KCNQ5: variants seen among roughly 807,000 people sequenced by gnomAD.
KCNQ5 encodes potassium voltage-gated channel subfamily Q member 5.
A neutral mutation model predicts 98.2 loss-of-function variants in KCNQ5; 30 were observed. That is an observed-to-expected ratio of 0.31 (90% CI 0.23 to 0.41). The LOEUF (loss-of-function observed/expected upper bound fraction) is 0.41, where lower values mean the gene tolerates loss of function less well. Ranked by LOEUF, KCNQ5 falls within the 10% of genes least tolerant of loss-of-function variation. The pLI is 1.00. For synonymous variants in KCNQ5, 458 were observed against 449.4 expected, an observed-to-expected ratio of 1.02 and a Z score of -0.24; for missense variants, 835 against 1,182.5, an observed-to-expected ratio of 0.71 and a Z score of 4.31.
intron 1 of KCNQ5, among the ~76,000 whole-genome samples, chr6:72,638,709 C>T (rs2098925564): frequency 6.6e-6 from 1 of 151,944 alleles, no homozygotes; most frequent in Admixed American, 6.6e-5. Context: ...TTCTGGAGCA[C>T]ATGATAATAT....
Position 72,956,528 on chromosome 6 carries a change from T to C in KCNQ5, c.399-47380T>C, listed in dbSNP as rs572166408. Among the ~76,000 whole-genome samples the C allele has an allele frequency of 8.5e-3, 1,276 of 149,884 alleles. 13 individuals carry two copies. The highest frequency in any genetic ancestry group is 0.014 in the Non-Finnish European group (970 of 67,360). ...TTTTGAAGCTTCTTTTTAACCCTTT[T>C]TTTCTTTCTTTCTTTCTTTTATTTT... On this transcript the variant is annotated intron_variant, in intron 1 of 13. Transcript: ENST00000370398.
chr6:72,717,998 T>C (rs999591235), intron 1 of KCNQ5, among the ~76,000 whole-genome samples: 1 of 152,188 alleles, frequency 6.6e-6, no homozygotes, highest in African/African-American at 2.4e-5. Flanking sequence ...AAACATCATA[T>C]GCCAGTCATT....
intron 1 of KCNQ5, among the ~76,000 whole-genome samples, chr6:72,963,574 G>A (rs1767474391): frequency 6.6e-6 from 1 of 152,128 alleles, no homozygotes; most frequent in Non-Finnish European, 1.5e-5. Context: ...TTAAATGATA[G>A]TATAATAGAA....
At chr6:72,751,927 T>C (rs1171831797) in intron 1 of KCNQ5, among the ~76,000 whole-genome samples, 1 of 152,184 alleles carries the variant, frequency 6.6e-6, no homozygotes, top group Non-Finnish European at 1.5e-5. Flanking sequence ...TCAAGATATT[T>C]ATATAAATTT....
chr6:73,065,674 T>C (rs936810259), intron 3 of KCNQ5, among the ~76,000 whole-genome samples: 8 of 152,366 alleles, frequency 5.3e-5, no homozygotes, highest in Admixed American at 2.0e-4. Context: ...CTTCTCTCAC[T>C]CCGCTCAAGC....
At chr6:72,721,624 C>T (rs1158965893) in intron 1 of KCNQ5, among the ~76,000 whole-genome samples, 1 of 152,126 alleles carries the variant, frequency 6.6e-6, no homozygotes, top group Non-Finnish European at 1.5e-5. Flanking sequence ...ATCACAGATC[C>T]AGTGATGAAG....
chr6:72,718,250 T>C (rs112283958), intron 1 of KCNQ5, among the ~76,000 whole-genome samples: 2,033 of 152,238 alleles, frequency 0.013, 33 homozygotes, highest in African/African-American at 0.042. Context: ...AAAGTTCCTC[T>C]AAGTTGATCC....
intron 1 of KCNQ5, among the ~76,000 whole-genome samples, chr6:72,982,413 C>G (rs2150299234): frequency 6.6e-6 from 1 of 150,428 alleles, no homozygotes; most frequent in Admixed American, 6.6e-5. Context: ...ATGTAATGGC[C>G]TTGTGTTCTT....
At chr6:72,907,218 T>G (rs769899023) in intron 1 of KCNQ5, among the ~76,000 whole-genome samples, 4 of 152,128 alleles carry the variant, frequency 2.6e-5, no homozygotes, top group Non-Finnish European at 4.4e-5. Context: ...ATACTAGGCT[T>G]AGTACTTGGG....
intron 1 of KCNQ5, among the ~76,000 whole-genome samples, chr6:72,966,534 C>G (rs552957094): frequency 1.3e-5 from 2 of 152,062 alleles, no homozygotes; most frequent in Admixed American, 1.3e-4. Context: ...CCACACTGCA[C>G]TTCAGCCTCG....
At chr6:73,114,079 AATTT>A (rs771003658) in intron 7 of KCNQ5, among the ~76,000 whole-genome samples, 45 of 152,280 alleles carry the variant, frequency 3.0e-4, no homozygotes, top group Middle Eastern at 6.8e-3. Flanking sequence ...AAATGCAATT[AATTT>A]ATTACACATA....
At chr6:73,135,015 G>T (rs563072007) in intron 10 of KCNQ5, 1 of 152,312 alleles carries the variant, frequency 6.6e-6, no homozygotes, top group South Asian at 2.1e-4. Flanking sequence ...GAATATAAAT[G>T]GGTACATCCT....
intron 11 of KCNQ5, among the ~76,000 whole-genome samples, chr6:73,178,430 T>TA (rs967486717): frequency 1.2e-4 from 17 of 145,676 alleles, no homozygotes; most frequent in Admixed American, 3.5e-4. Context: ...CTACAAACAT[T>TA]AAAAAAAAAC....
chr6:72,733,655 A>G (rs932291238), intron 1 of KCNQ5, among the ~76,000 whole-genome samples: 12 of 152,216 alleles, frequency 7.9e-5, no homozygotes, highest in Non-Finnish European at 1.8e-4. Flanking sequence ...TTTGGAGAAT[A>G]CGTGAAAGGA....
intron 5 of KCNQ5, among the ~76,000 whole-genome samples, chr6:73,081,910 C>A (rs1202245469): frequency 6.6e-6 from 1 of 152,116 alleles, no homozygotes; most frequent in Non-Finnish European, 1.5e-5. Context: ...TTCCTGAATG[C>A]TAAACACACG....
intron 3 of KCNQ5, among the ~76,000 whole-genome samples, chr6:73,076,241 C>T (rs186645308): frequency 6.6e-6 from 1 of 152,328 alleles, no homozygotes; most frequent in African/African-American, 2.4e-5. Context: ...CTCACTTATA[C>T]AGCAGTTAAT....
At chr6:72,997,782 CAAAAAAA>C (rs70994154) in intron 1 of KCNQ5, among the ~76,000 whole-genome samples, 65 of 62,060 alleles carry the variant, frequency 1.0e-3, no homozygotes, top group Middle Eastern at 0.013. Flanking sequence ...GACTCTGTCT[CAAAAAAA>C]AAAAAAAAAA....
intron 1 of KCNQ5, among the ~76,000 whole-genome samples, chr6:72,636,044 A>C (rs916062529): frequency 2.0e-5 from 3 of 152,146 alleles, no homozygotes; most frequent in Admixed American, 1.3e-4. Context: ...ATTTGGGAAT[A>C]GTCAGATATT....
At chr6:72,684,596 T>C (rs1767861067) in intron 1 of KCNQ5, among the ~76,000 whole-genome samples, 1 of 152,200 alleles carries the variant, frequency 6.6e-6, no homozygotes, top group African/African-American at 2.4e-5. Flanking sequence ...ATAGGTACAA[T>C]GGTCTGTCAA....
Sources: allele counts gnomAD v4.1 joint callset (sites outside exome capture counted in the v4.1 genomes callset), GRCh38; gene constraint gnomAD v4.1.1; transcripts MANE v1.5; gene names NCBI Gene and HGNC (gene_info 2026-07-23, HGNC 2026-07-21).